Variants in PPME1 observed in about 807,000 individuals in gnomAD.
PPME1 encodes protein phosphatase methylesterase 1, also known as testicular secretory protein Li 39.
A neutral mutation model predicts 56.9 loss-of-function variants in PPME1; 17 were observed. The ratio of observed to expected loss-of-function variants is 0.30; its 90% CI spans 0.20 to 0.45. The LOEUF (loss-of-function observed/expected upper bound fraction) is 0.45, where lower values mean the gene tolerates loss of function less well. Ranked by LOEUF, PPME1 falls within the 20% of genes least tolerant of loss-of-function variation. The pLI is 1.00. For missense variants in PPME1, 357 were observed against 483.2 expected, an observed-to-expected ratio of 0.74 and a Z score of 2.45; for synonymous variants, 122 against 156.2, an observed-to-expected ratio of 0.78 and a Z score of 1.63.
rs1007315444 is a variant in PPME1, at chr11:74,185,326, A to C, written c.101+13804A>C. On this transcript the variant is annotated intron_variant, in intron 1 of 13. Transcript: ENST00000328257. Reference sequence around the variant, plus strand: ...AGTATGTCTTTTATTCTAGATCATCATGACATTCAGATGAGTCTGGGGAGG... The same window carrying C: ...AGTATGTCTTTTATTCTAGATCATCCTGACATTCAGATGAGTCTGGGGAGG... Among the ~76,000 whole-genome samples, 7 of 152,234 alleles carry C rather than the reference A, an allele frequency of 4.6e-5. No homozygotes were observed. The East Asian group carries it at 1.4e-3, about 29-fold the overall frequency.
intron 7 of PPME1, among the ~76,000 whole-genome samples, chr11:74,233,740 T>G (rs1859124959): frequency 6.6e-6 from 1 of 152,214 alleles, no homozygotes; most frequent in Admixed American, 6.5e-5. Context: ...GAGGATCATT[T>G]GAGCCCAGAA....
At chr11:74,200,160 C>G (rs751047240) in intron 1 of PPME1, among the ~76,000 whole-genome samples, 46 of 152,180 alleles carry the variant, frequency 3.0e-4, no homozygotes, top group Admixed American at 1.0e-3. Flanking sequence ...ACTATAATGA[C>G]TATAAAGTAT....
intron 1 of PPME1, among the ~76,000 whole-genome samples, chr11:74,194,188 ATTTTATT>A (rs1278094682): frequency 6.6e-6 from 1 of 150,910 alleles, no homozygotes; most frequent in African/African-American, 2.4e-5. Flanking sequence ...GCCTTTTTTT[ATTTTATT>A]TTTTATTTTT....
At chr11:74,187,581 G>C (rs1857718663) in intron 1 of PPME1, among the ~76,000 whole-genome samples, 1 of 151,942 alleles carries the variant, frequency 6.6e-6, no homozygotes, top group Non-Finnish European at 1.5e-5. Flanking sequence ...TTTATATATT[G>C]GTCTTATTTT....
intron 7 of PPME1, among the ~76,000 whole-genome samples, chr11:74,232,891 A>G (rs1859105181): frequency 7.8e-6 from 1 of 127,548 alleles, no homozygotes; most frequent in African/African-American, 3.2e-5. Flanking sequence ...TTGTAGAGAC[A>G]GGGTTTTATC....
chr11:74,193,725 A>G (rs952030806), intron 1 of PPME1, among the ~76,000 whole-genome samples: 3 of 152,168 alleles, frequency 2.0e-5, no homozygotes, highest in African/African-American at 4.8e-5. Flanking sequence ...CAAATTCACT[A>G]CTAGTTTACG....
chr11:74,194,766 C>T (rs1057223620), intron 1 of PPME1, among the ~76,000 whole-genome samples: 19 of 152,174 alleles, frequency 1.2e-4, no homozygotes, highest in East Asian at 7.7e-4. Context: ...AAATGGGGAA[C>T]GCTATTTTCA....
At chr11:74,243,061 T>G (rs1410579069) in intron 9 of PPME1, among the ~76,000 whole-genome samples, 1 of 152,084 alleles carries the variant, frequency 6.6e-6, no homozygotes, top group Non-Finnish European at 1.5e-5. Flanking sequence ...AGGCCTGTGG[T>G]GGATGCCCTT....
chr11:74,201,221 C>T (rs538609052), intron 1 of PPME1, among the ~76,000 whole-genome samples: 46 of 152,110 alleles, frequency 3.0e-4, no homozygotes, highest in South Asian at 1.0e-3. Flanking sequence ...GTGATCTGCC[C>T]GCCTCGGCCT....
At chr11:74,225,910 G>C (rs1024372545) in intron 5 of PPME1, among the ~76,000 whole-genome samples, 1 of 152,080 alleles carries the variant, frequency 6.6e-6, no homozygotes, top group Non-Finnish European at 1.5e-5. Context: ...TGTTGTTTGG[G>C]AATCACTGAC....
At chr11:74,217,730 C>A (rs1201915217) in intron 3 of PPME1, among the ~76,000 whole-genome samples, 2 of 151,414 alleles carry the variant, frequency 1.3e-5, no homozygotes, top group African/African-American at 2.4e-5. Flanking sequence ...AATTCAACAT[C>A]CCTTCATGAT....
At chr11:74,227,751 C>G (rs1271788786) in intron 5 of PPME1, among the ~76,000 whole-genome samples, 1 of 152,066 alleles carries the variant, frequency 6.6e-6, no homozygotes. Flanking sequence ...TCTGGATTTT[C>G]AGGACTTATC....
chr11:74,252,636 G>A (rs1859732324), intron 13 of PPME1: 1 of 422,526 alleles, frequency 2.4e-6, no homozygotes, highest in African/African-American at 2.0e-5. Flanking sequence ...TGCATTGTAG[G>A]ATGCTTAGCA....
chr11:74,199,954 C>A (rs1299529197), intron 1 of PPME1, among the ~76,000 whole-genome samples: 1 of 152,184 alleles, frequency 6.6e-6, no homozygotes, highest in African/African-American at 2.4e-5. Context: ...CCAGGTCCCC[C>A]CACAACACAT....
intron 13 of PPME1, among the ~76,000 whole-genome samples, chr11:74,252,221 C>CCTAATTAGG (rs1859704880): frequency 6.6e-6 from 1 of 150,480 alleles, no homozygotes; most frequent in African/African-American, 2.5e-5. Flanking sequence ...GCGTACGCCA[C>CCTAATTAGG]CGTACCCGGC....
chr11:74,239,095 A>G (rs1437113463), intron 8 of PPME1, 38 bp from the exon 9 acceptor site: 1 of 1,587,854 alleles, frequency 6.3e-7, no homozygotes, highest in Non-Finnish European at 8.6e-7. Flanking sequence ...TGTGTATTGG[A>G]AAGAGGTGTG....
At chr11:74,203,901 G>T in intron 2 of PPME1, 80 bp downstream of exon 2, 1 of 1,047,670 alleles carries the variant, frequency 9.5e-7, no homozygotes, top group South Asian at 1.7e-5. Flanking sequence ...TTTCTAAAAT[G>T]TTCTTTATTC....
At chr11:74,239,305 A>C in intron 9 of PPME1, 49 bp downstream of exon 9, 1 of 1,593,844 alleles carries the variant, frequency 6.3e-7, no homozygotes, top group Non-Finnish European at 8.5e-7. Flanking sequence ...GAATGGTTCA[A>C]ACTGTGTGTG....
intron 8 of PPME1, 107 bp from the exon 9 acceptor site, chr11:74,239,026 A>C (rs1245442896): frequency 2.7e-6 from 3 of 1,112,986 alleles, no homozygotes; most frequent in Non-Finnish European, 3.8e-6. Context: ...GATGATTGTT[A>C]AGTTTTAGCT....
Sources: gnomAD v4.1 joint callset for allele counts (sites outside exome capture counted in the v4.1 genomes callset) on GRCh38, gnomAD v4.1.1 for gene constraint, MANE v1.5 for transcripts, NCBI Gene and HGNC (gene_info 2026-07-23, HGNC 2026-07-21) for gene names.